The following CNIH1 variants were observed in gnomAD, a reference collection of about 807,000 sequenced individuals.
CNIH1 encodes the protein protein cornichon homolog 1.
Under a neutral mutation model 20.2 loss-of-function variants are expected in CNIH1, and 12 were observed. That is an observed-to-expected ratio of 0.59 (90% CI 0.38 to 0.96). The LOEUF (loss-of-function observed/expected upper bound fraction) is 0.96, where lower values mean the gene tolerates loss of function less well. CNIH1 is among the 40% of genes least tolerant of loss of function. CNIH1 has a pLI of 0.00. For synonymous variants in CNIH1, 69 were observed against 63.3 expected, an observed-to-expected ratio of 1.09 and a Z score of -0.43; for missense variants, 152 against 178.8, an observed-to-expected ratio of 0.85 and a Z score of 0.85.
At chr14:54,431,571 T>C (rs1481725562) in intron 3 of CNIH1, among the ~76,000 whole-genome samples, 1 of 152,230 alleles carries the variant, frequency 6.6e-6, no homozygotes, top group Non-Finnish European at 1.5e-5. Flanking sequence ...TCTAACTCTA[T>C]ATACGGCAGA....
At chr14:54,438,582 C>T (rs1372123732) in intron 1 of CNIH1, among the ~76,000 whole-genome samples, 1 of 152,204 alleles carries the variant, frequency 6.6e-6, no homozygotes, top group Non-Finnish European at 1.5e-5. Context: ...CTCCACAGAG[C>T]ATCAATGACA....
At chr14:54,437,219 G>A (rs561030629) in intron 1 of CNIH1, among the ~76,000 whole-genome samples, 3 of 152,162 alleles carry the variant, frequency 2.0e-5, no homozygotes, top group African/African-American at 7.2e-5. Context: ...GACAAAGAAA[G>A]AAAACAAAGG....
chr14:54,436,785 C>T lies in CNIH1; in HGVS notation c.82-348G>A, dbSNP rs1355862554. The T allele has an allele frequency of 1.1e-5, 5 of 450,834 alleles. No individual in the cohort carries two copies. The East Asian group carries it at 3.3e-4, about 30-fold the overall frequency. 27.9% of individuals were successfully genotyped at this position (450,834 alleles called of 1,614,324 possible). A position where few individuals can be genotyped will look rare whatever the true frequency, so the allele number is the denominator to read the frequency against. ...ACTGTTTATCCAAATTCCTCTTTATCCTAAAAAAAAAACAAACCTTCCTAG... is the reference window on the plus strand; with the variant it reads ...ACTGTTTATCCAAATTCCTCTTTATTCTAAAAAAAAAACAAACCTTCCTAG... On this transcript the variant is annotated intron_variant, in intron 1 of 4. Coordinates refer to ENST00000216416, the MANE Select transcript of CNIH1 (RefSeq NM_005776.3).
chr14:54,428,678 G>A (rs1027141102), intron 4 of CNIH1, among the ~76,000 whole-genome samples: 8 of 152,114 alleles, frequency 5.3e-5, no homozygotes, highest in Admixed American at 2.0e-4. Context: ...ACACCAGCCC[G>A]TTCCAGACAT....
intron 1 of CNIH1, among the ~76,000 whole-genome samples, chr14:54,439,762 G>A (rs2031131828): frequency 6.6e-6 from 1 of 151,958 alleles, no homozygotes; most frequent in Admixed American, 6.6e-5. Context: ...ATGTTGGCCA[G>A]GCTGGTCTCG....
rs144405674 is a variant in CNIH1, at chr14:54,433,341, A to G, written c.151-1121T>C. Among the ~76,000 whole-genome samples, 758 of 152,304 alleles carry G rather than the reference A, an allele frequency of 5.0e-3. 3 individuals are homozygous for G. Among genetic ancestry groups the G allele is most frequent in the Non-Finnish European group, 7.5e-3 (507 of 68,022 alleles). On this transcript the variant is annotated intron_variant, in intron 2 of 4. Coordinates refer to ENST00000216416, the MANE Select transcript of CNIH1 (RefSeq NM_005776.3). Reference sequence around the variant, plus strand: ...CTCAGACCCATTTTCTCATACTCCCAAATTACTCTTTCCAATTTAAAGCTG... The same window carrying G: ...CTCAGACCCATTTTCTCATACTCCCGAATTACTCTTTCCAATTTAAAGCTG...
intron 4 of CNIH1, 27 bp from the exon 5 acceptor site, chr14:54,427,868 T>C (rs1360577797): frequency 6.2e-7 from 1 of 1,608,898 alleles, no homozygotes; most frequent in Non-Finnish European, 8.5e-7. Context: ...AGATGTTAAT[T>C]TGAACATTAC....
chr14:54,431,246 G>A (rs1252611204), intron 3 of CNIH1, among the ~76,000 whole-genome samples: 1 of 152,010 alleles, frequency 6.6e-6, no homozygotes, highest in African/African-American at 2.4e-5. Flanking sequence ...CTCTGCCTCA[G>A]CTTCCCAAGT....
intron 1 of CNIH1, chr14:54,436,857 A>ATTGCATCC (rs111459062): frequency 3.1e-4 from 131 of 420,586 alleles, no homozygotes; most frequent in African/African-American, 2.3e-3. Context: ...GGCAGAAGTA[A>ATTGCATCC]TTGCCCACAT....
At chr14:54,436,853 A>C (rs2031064492) in intron 1 of CNIH1, 1 of 422,178 alleles carries the variant, frequency 2.4e-6, no homozygotes, top group East Asian at 7.1e-5. Context: ...TTTGGGCAGA[A>C]GTAATTGCCC....
In CNIH1 at chr14:54,441,155, C is replaced by A. The variant is rs924546123; in HGVS notation, c.81+92G>T. The A allele has an allele frequency of 2.1e-4, 279 of 1,308,906 alleles. 1 individual carries two copies. The highest frequency in any genetic ancestry group is 2.6e-4 in the Non-Finnish European group (266 of 1,006,416). 81.1% of individuals were successfully genotyped at this position (1,308,906 alleles called of 1,614,324 possible). A position where few individuals can be genotyped will look rare whatever the true frequency, so the allele number is the denominator to read the frequency against. On this transcript the variant is annotated intron_variant, in intron 1 of 4. Transcript: ENST00000216416. ...GGGCCGCATCCCCGACGCGCAAAGC[C>A]CCGGCGGCCGTGGCGGCCCGGACCG...
intron 1 of CNIH1, 170 bp from the exon 2 acceptor site, chr14:54,436,607 G>C: frequency 1.7e-6 from 1 of 583,288 alleles, no homozygotes. Context: ...ACCAGAATGC[G>C]ATTTAAAGTG....
At chr14:54,430,536 A>AAAG in intron 3 of CNIH1, 132 bp from the exon 4 acceptor site, 1 of 795,180 alleles carries the variant, frequency 1.3e-6, no homozygotes, top group Non-Finnish European at 1.9e-6. Context: ...CTTATGGGTA[A>AAAG]AATGCTTTCC....
At position 54,432,184 on chromosome 14, in the gene CNIH1, A is replaced by G; in HGVS notation, c.187T>C (p.Cys63Arg). The G allele has an allele frequency of 1.3e-6, 2 of 1,562,954 alleles. No homozygotes were observed. Among genetic ancestry groups the G allele is most frequent in the Non-Finnish European group, 1.7e-6 (2 of 1,152,812 alleles). ...TCTGCTGCACAAAGAAACATGACAC[A>G]GAAGAAAGCGTGGATGAGGTACTCT... Reference protein sequence around the residue: ...LPEYLIHAFFCVMFLCAAEWL... With the variant: ...LPEYLIHAFFRVMFLCAAEWL... Residue 63 changes from cysteine to arginine, a missense_variant, in exon 3 of 5, where the codon TGT becomes CGT. Coordinates refer to ENST00000216416, the MANE Select transcript of CNIH1 (RefSeq NM_005776.3).
At chr14:54,436,677 T>C (rs2031059726) in intron 1 of CNIH1, 1 of 552,592 alleles carries the variant, frequency 1.8e-6, no homozygotes, top group African/African-American at 1.9e-5. Flanking sequence ...TACCTTCAAT[T>C]TTCAATTTCG....
At chr14:54,427,934 G>C in intron 4 of CNIH1, 93 bp from the exon 5 acceptor site, 1 of 1,168,928 alleles carries the variant, frequency 8.6e-7, no homozygotes, top group African/African-American at 1.5e-5. Context: ...TAGCAAACTA[G>C]TATCACAGAA....
In CNIH1 at chr14:54,428,457, T is replaced by C. The variant is rs147459351; in HGVS notation, c.408-616A>G. Among the ~76,000 whole-genome samples, 9 of 152,336 alleles carry C rather than the reference T, an allele frequency of 5.9e-5. No homozygotes were observed. The East Asian group carries it at 1.2e-3, about 20-fold the overall frequency. Reference sequence around the variant, plus strand: ...TCTACAGAGTGCTATGGGAACGGCATAGGGGCATGATTCAAAAAGCACATA... The same window carrying C: ...TCTACAGAGTGCTATGGGAACGGCACAGGGGCATGATTCAAAAAGCACATA... On this transcript the variant is annotated intron_variant, in intron 4 of 4. Transcript: ENST00000216416.
intron 4 of CNIH1, among the ~76,000 whole-genome samples, chr14:54,428,453 G>A (rs756161428): frequency 4.6e-5 from 7 of 152,178 alleles, no homozygotes; most frequent in South Asian, 2.1e-4. Context: ...CTATGGGAAC[G>A]GCATAGGGGC....
At chr14:54,437,538 T>A (rs1422437316) in intron 1 of CNIH1, among the ~76,000 whole-genome samples, 2 of 152,128 alleles carry the variant, frequency 1.3e-5, no homozygotes, top group Non-Finnish European at 2.9e-5. Context: ...AACATTAGAA[T>A]GTAATCTCTG....
Sources: gnomAD v4.1 joint callset for allele counts (sites outside exome capture counted in the v4.1 genomes callset) on GRCh38, gnomAD v4.1.1 for gene constraint, MANE v1.5 for transcripts, NCBI Gene and HGNC (gene_info 2026-07-23, HGNC 2026-07-21) for gene names.